Variants in ACOX3 observed in about 807,000 individuals in gnomAD.
The protein encoded by ACOX3 is acyl-CoA oxidase 3, pristanoyl.
ACOX3 carries 73 observed loss-of-function variants against 81.5 expected under a neutral mutation model. The observed-to-expected ratio is 0.90, with a 90% CI of 0.74 to 1.09. The LOEUF is 1.09. Ranked by LOEUF, ACOX3 falls within the 50% of genes least tolerant of loss-of-function variation. The pLI is 0.00. For missense variants in ACOX3, 947 were observed against 928.0 expected, an observed-to-expected ratio of 1.02 and a Z score of -0.27; for synonymous variants, 387 against 375.1, an observed-to-expected ratio of 1.03 and a Z score of -0.37.
rs762266346 is a variant in ACOX3, at chr4:8,396,989, T to A, written c.1004A>T (p.Gln335Leu). 6.2e-7 allele frequency: 1 copy of A among 1,611,934 alleles called. No individual in the cohort carries two copies. The change falls in exon 9 of 18, where the codon CAG becomes CTG. Residue 335 changes from glutamine to leucine, a missense_variant. Coordinates refer to ENST00000356406, the MANE Select transcript of ACOX3 (RefSeq NM_003501.3). ...TTCCTCCTCCTCTGTGGGTCCAAACTGACGCCGAGTGGCTGAGAAGCGAAG... is the reference window on the plus strand; with the variant it reads ...TTCCTCCTCCTCTGTGGGTCCAAACAGACGCCGAGTGGCTGAGAAGCGAAG... ...IALRFSATRR[Q>L]FGPTEEEEIP...
At chr4:8,422,114 AAG>A (rs1198176425) in intron 1 of ACOX3, among the ~76,000 whole-genome samples, 1 of 152,136 alleles carries the variant, frequency 6.6e-6, no homozygotes, top group African/African-American at 2.4e-5. Context: ...TCCATCTATC[AAG>A]AGAGAGAATG....
chr4:8,363,741 T>G (rs1715281086), downstream of ACOX3, among the ~76,000 whole-genome samples: 1 of 152,008 alleles, frequency 6.6e-6, no homozygotes, highest in Non-Finnish European at 1.5e-5. Flanking sequence ...GCTGATAAAA[T>G]GGGTGGCAGT....
At chr4:8,421,816 G>A (rs1048574062) in intron 1 of ACOX3, among the ~76,000 whole-genome samples, 1 of 152,216 alleles carries the variant, frequency 6.6e-6, no homozygotes, top group South Asian at 2.1e-4. Flanking sequence ...CCTTGCCAGG[G>A]CCCCAAGTTT....
At position 8,368,106 on chromosome 4, in the gene ACOX3, A is replaced by G. The variant is rs1439571393; in HGVS notation, c.1984-1026T>C. ...CTGCTGCTCTGAAATCTGCTCTCACACCCCAGGCCGCTACAGGCCGCACAG... is the reference window on the plus strand; with the variant it reads ...CTGCTGCTCTGAAATCTGCTCTCACGCCCCAGGCCGCTACAGGCCGCACAG... On this transcript the variant is annotated intron_variant, in intron 17 of 17. Transcript: ENST00000356406. This position sits in a 1 kb window ranked among gnomAD's most constrained non-coding sequence, Gnocchi z 5.9. Among the ~76,000 whole-genome samples the G allele has an allele frequency of 1.3e-5, 2 of 151,888 alleles. No homozygotes were observed. The highest frequency in any genetic ancestry group is 4.8e-5 in the African/African-American group (2 of 41,326).
chr4:8,411,758 T>C (rs1229191958), intron 5 of ACOX3, among the ~76,000 whole-genome samples: 1 of 152,168 alleles, frequency 6.6e-6, no homozygotes, highest in East Asian at 1.9e-4. Flanking sequence ...CTCACTTCTT[T>C]CTGTTGGTGT....
rs1718288956 is a variant in ACOX3 at position 8,386,335 on chromosome 4, G to A, written c.1537+2838C>T. On this transcript the variant is annotated intron_variant, in intron 13 of 17. Coordinates refer to ENST00000356406, the MANE Select transcript of ACOX3 (RefSeq NM_003501.3). The surrounding 1 kb of genome is among the most constrained non-coding windows in gnomAD (Gnocchi z 5.2). ...TGATCCCAGCACTTCGGGAGGCCAAGGTGGGCGGATCACGAGGTCAGGATA... is the reference window on the plus strand; with the variant it reads ...TGATCCCAGCACTTCGGGAGGCCAAAGTGGGCGGATCACGAGGTCAGGATA... Among the ~76,000 whole-genome samples the A allele has an allele frequency of 1.3e-5, 2 of 152,124 alleles. No individual in the cohort carries two copies. The highest frequency in any genetic ancestry group is 6.5e-5 in the Admixed American group (1 of 15,282).
intron 1 of ACOX3, among the ~76,000 whole-genome samples, chr4:8,427,834 C>A (rs945378460): frequency 2.6e-5 from 4 of 152,194 alleles, no homozygotes; most frequent in Non-Finnish European, 5.9e-5. Context: ...ATTCCAAATA[C>A]GGCGACACCT....
chr4:8,403,874 C>T (rs536300091), intron 7 of ACOX3, among the ~76,000 whole-genome samples: 2 of 152,310 alleles, frequency 1.3e-5, no homozygotes, highest in East Asian at 1.9e-4. Context: ...TGCTCACACC[C>T]GAGGCCACCC....
chr4:8,415,069 C>A (rs1722171930), intron 3 of ACOX3, 141 bp from the exon 4 acceptor site: 2 of 817,392 alleles, frequency 2.4e-6, no homozygotes, highest in Non-Finnish European at 4.0e-6. Context: ...AGGTGGAGAA[C>A]AAGTGCTGAG....
At chr4:8,422,814 T>C (rs1189876843) in intron 1 of ACOX3, among the ~76,000 whole-genome samples, 1 of 152,200 alleles carries the variant, frequency 6.6e-6, no homozygotes, top group Admixed American at 6.5e-5. Flanking sequence ...GCAAATCAAA[T>C]GCCTGATAGG....
At chr4:8,422,101 A>G (rs1203440972) in intron 1 of ACOX3, among the ~76,000 whole-genome samples, 2 of 152,156 alleles carry the variant, frequency 1.3e-5, no homozygotes, top group African/African-American at 2.4e-5. Flanking sequence ...TGTGTTCCCA[A>G]AATCCATCTA....
intron 1 of ACOX3, among the ~76,000 whole-genome samples, chr4:8,436,966 T>G (rs1007288838): frequency 2.8e-5 from 4 of 142,928 alleles, no homozygotes; most frequent in African/African-American, 7.8e-5. Context: ...CACTCCAGCC[T>G]TGGCAACAGA....
At chr4:8,391,031 G>GTGTGTA (rs140261607) in intron 11 of ACOX3, among the ~76,000 whole-genome samples, 4 of 148,116 alleles carry the variant, frequency 2.7e-5, no homozygotes, top group Non-Finnish European at 6.0e-5. Context: ...GTATATGTAT[G>GTGTGTA]TGTATATGTA....
chr4:8,398,883 A>G (rs563802280), intron 8 of ACOX3, among the ~76,000 whole-genome samples: 31 of 152,194 alleles, frequency 2.0e-4, no homozygotes, highest in African/African-American at 7.2e-4. Context: ...TCTTCCAATC[A>G]TTTATTTTTA....
intron 5 of ACOX3, among the ~76,000 whole-genome samples, chr4:8,410,890 A>T (rs914969434): frequency 6.6e-6 from 1 of 152,236 alleles, no homozygotes; most frequent in Admixed American, 6.5e-5. Flanking sequence ...GAAGGAAGGA[A>T]GGAAGGAACG....
In ACOX3 at chr4:8,431,730, A is replaced by G. The variant is rs1340854371; in HGVS notation, c.-15+8918T>C. 6.6e-6 allele frequency among the ~76,000 whole-genome samples: 1 copy of G among 152,178 alleles called. No homozygotes were observed. The highest frequency in any genetic ancestry group is 2.4e-5 in the African/African-American group (1 of 41,454). On this transcript the variant is annotated intron_variant, in intron 1 of 17. Transcript: ENST00000356406. The surrounding 1 kb of genome is among the most constrained non-coding windows in gnomAD (Gnocchi z 5.3). ...AACTCAGTGGACAATGACCCACGGGAGCACTGCCATAGGGCCTCACCCACC... is the reference window on the plus strand; with the variant it reads ...AACTCAGTGGACAATGACCCACGGGGGCACTGCCATAGGGCCTCACCCACC...
intron 8 of ACOX3, among the ~76,000 whole-genome samples, chr4:8,398,076 A>C (rs1202622483): frequency 6.6e-6 from 1 of 152,130 alleles, no homozygotes; most frequent in East Asian, 1.9e-4. Context: ...CAGGAGAATC[A>C]CTTGAACCCG....
intron 1 of ACOX3, among the ~76,000 whole-genome samples, chr4:8,424,087 A>G (rs1723219280): frequency 6.6e-6 from 1 of 152,240 alleles, no homozygotes; most frequent in African/African-American, 2.4e-5. Flanking sequence ...ATCCAGACAC[A>G]CCAGGGCCCT....
rs185379983 is a variant in ACOX3, at chr4:8,432,152, A to C, written c.-15+8496T>G. Among the ~76,000 whole-genome samples the C allele has an allele frequency of 9.2e-5, 14 of 152,366 alleles. No individual in the cohort carries two copies. The highest frequency in any genetic ancestry group is 1.9e-4 in the Non-Finnish European group (13 of 68,030). On this transcript the variant is annotated intron_variant, in intron 1 of 17. Coordinates refer to ENST00000356406, the MANE Select transcript of ACOX3 (RefSeq NM_003501.3). This position sits in a 1 kb window ranked among gnomAD's most constrained non-coding sequence, Gnocchi z 6.2. ...AGGCAGCTGAAAACGGTGTTGGGAA[A>C]GAGTTGTGGAACATAAATGTGGTTT...
Sources: gnomAD v4.1 joint callset for allele counts (sites outside exome capture counted in the v4.1 genomes callset) on GRCh38, gnomAD v4.1.1 for gene constraint, Gnocchi (gnomAD v3.1) non-coding constraint, MANE v1.5 for transcripts, NCBI Gene and HGNC (gene_info 2026-07-23, HGNC 2026-07-21) for gene names.